Variants in ZNF654 observed in about 807,000 individuals in gnomAD.
The protein encoded by ZNF654 is melanoma-associated antigen.
A neutral mutation model predicts 95.3 loss-of-function variants in ZNF654; 19 were observed. The ratio of observed to expected loss-of-function variants is 0.20; its 90% confidence interval spans 0.14 to 0.29. The LOEUF (loss-of-function observed/expected upper bound fraction) is 0.29. ZNF654 is among the 10% of genes least tolerant of loss of function. ZNF654 has a pLI of 1.00. For missense variants in ZNF654, 1,046 were observed against 1,341.0 expected (o/e 0.78, Z 3.44); for synonymous variants, 413 against 457.9 (o/e 0.90, Z 1.25).
intron 1 of ZNF654, among the ~76,000 whole-genome samples, chr3:88,081,386 A>C (rs1708067065): frequency 6.6e-6 from 1 of 152,114 alleles, no homozygotes; most frequent in Admixed American, 6.6e-5. Context: ...TTGAGACTGC[A>C]AATCCTGCTT....
chr3:88,081,637 C>A (rs1708082833), intron 1 of ZNF654, among the ~76,000 whole-genome samples: 1 of 152,072 alleles, frequency 6.6e-6, no homozygotes, highest in Non-Finnish European at 1.5e-5. Flanking sequence ...CAAGTTGTGC[C>A]AGCTTTAGCC....
At chr3:88,100,313 T>C (rs1704334267) in intron 2 of ZNF654, among the ~76,000 whole-genome samples, 1 of 151,980 alleles carries the variant, frequency 6.6e-6, no homozygotes, top group Non-Finnish European at 1.5e-5. Flanking sequence ...CATTAAAAAG[T>C]CAGGAAACAA....
At chr3:88,063,419 G>C (rs1002458158) in intron 1 of ZNF654, among the ~76,000 whole-genome samples, 4 of 152,162 alleles carry the variant, frequency 2.6e-5, no homozygotes, top group African/African-American at 9.7e-5. Flanking sequence ...TCACAGAAAA[G>C]AGAGTTTGTC....
intron 1 of ZNF654, among the ~76,000 whole-genome samples, chr3:88,081,502 T>G (rs945699124): frequency 5.9e-5 from 9 of 152,340 alleles, no homozygotes; most frequent in Admixed American, 3.9e-4. Context: ...TCTTTTTCCT[T>G]CTTTCACTGT....
intron 5 of ZNF654, 101 bp from the exon 6 acceptor site, chr3:88,129,586 T>C (rs1345719164): frequency 2.3e-5 from 22 of 968,506 alleles, no homozygotes; most frequent in Non-Finnish European, 3.2e-5. Context: ...AGAAGAAAAC[T>C]AGAAATCTAA....
chr3:88,120,825 C>T (rs1250543347), intron 3 of ZNF654, among the ~76,000 whole-genome samples: 2 of 151,818 alleles, frequency 1.3e-5, no homozygotes, highest in African/African-American at 2.4e-5. Context: ...GTGATTATAG[C>T]GTATTTTTGA....
At position 88,139,792 on chromosome 3, in the gene ZNF654, GTGATTATGAAGAAGA is replaced by G. The variant is rs1369279320; in HGVS notation, c.2133_2147del (p.Glu711_Tyr715del). On this transcript the variant is annotated inframe_deletion, in exon 8 of 9. Transcript: ENST00000636215. Reference sequence around the variant, plus strand: ...TATGAGGAGGAAGAGGATGAAGAAGGTGATTATGAAGAAGATGATTATGACCTGAATCAAGAAACT... The same window carrying G: ...TATGAGGAGGAAGAGGATGAAGAAGGTGATTATGACCTGAATCAAGAAACT... The G allele has an allele frequency of 5.1e-6, 8 of 1,555,692 alleles. No individual in the cohort carries two copies. The highest frequency in any genetic ancestry group is 2.4e-5 in the East Asian group (1 of 41,260).
At chr3:88,100,798 C>T (rs915201632) in intron 2 of ZNF654, among the ~76,000 whole-genome samples, 3 of 150,594 alleles carry the variant, frequency 2.0e-5, no homozygotes, top group Non-Finnish European at 3.0e-5. Flanking sequence ...CATCACACAG[C>T]GGGGCCTGTC....
chr3:88,122,412 C>T (rs1184842395), intron 3 of ZNF654, among the ~76,000 whole-genome samples: 2 of 152,104 alleles, frequency 1.3e-5, no homozygotes, highest in African/African-American at 2.4e-5. Context: ...TGTAGAATGG[C>T]CAGAACACTG....
chr3:88,137,917 A>G (rs1706895642), intron 7 of ZNF654, among the ~76,000 whole-genome samples: 1 of 152,014 alleles, frequency 6.6e-6, no homozygotes, highest in African/African-American at 2.4e-5. Context: ...ATATGATGTT[A>G]AAGACATTAT....
At position 88,142,797 on chromosome 3, in the gene ZNF654, CA is replaced by C. The variant is rs1398352185; in HGVS notation, c.*1146del. On this transcript the variant is annotated 3_prime_UTR_variant, in exon 9 of 9. Coordinates refer to ENST00000636215, the MANE Select transcript of ZNF654 (RefSeq NM_001350134.2). Reference sequence around the variant, plus strand: ...TGTAAAAGGAAGTATTTACACAAAACATTTGCACAAGAACACAGTAAGAGAT... The same window carrying C: ...TGTAAAAGGAAGTATTTACACAAAACTTTGCACAAGAACACAGTAAGAGAT... 6.6e-6 allele frequency: 1 copy of C among 152,148 alleles called. No homozygotes were observed. Among genetic ancestry groups the C allele is most frequent in the East Asian group, 1.9e-4 (1 of 5,172 alleles). The allele number at this position is 152,148 out of a possible 1,614,324, so 9.4% of individuals were successfully genotyped here.
intron 2 of ZNF654, among the ~76,000 whole-genome samples, chr3:88,096,239 G>A (rs1576264805): frequency 6.6e-6 from 1 of 152,010 alleles, no homozygotes; most frequent in Non-Finnish European, 1.5e-5. Context: ...AGGAGATGGT[G>A]AACCTGAACA....
At chr3:88,069,330 G>A (rs946082432) in intron 1 of ZNF654, among the ~76,000 whole-genome samples, 1 of 152,162 alleles carries the variant, frequency 6.6e-6, no homozygotes, top group Admixed American at 6.5e-5. Flanking sequence ...GCTGAGGCAG[G>A]AGAATCACTT....
rs1705622509 is a variant in ZNF654, at chr3:88,119,390, TGGGGGGAG to T, written c.414+6200_414+6207del. Among the ~76,000 whole-genome samples the T allele has an allele frequency of 4.8e-5, 2 of 41,962 alleles. 1 individual carries two copies. Among genetic ancestry groups the T allele is most frequent in the South Asian group, 2.8e-3 (2 of 706 alleles). The allele number at this position is 41,962 out of a possible 152,430, so 27.5% of individuals were successfully genotyped here. A position where few individuals can be genotyped will look rare whatever the true frequency, so the allele number is the denominator to read the frequency against. ...TCACACTCTGGGGACTGTTGTGGGG[TGGGGGGAG>T]GGGGGAGGGGGGAGGGATAGCATTG... On this transcript the variant is annotated intron_variant, in intron 3 of 8. Coordinates refer to ENST00000636215, the MANE Select transcript of ZNF654 (RefSeq NM_001350134.2).
At chr3:88,109,937 T>A (rs1399940852) in intron 2 of ZNF654, among the ~76,000 whole-genome samples, 6 of 152,134 alleles carry the variant, frequency 3.9e-5, no homozygotes, top group Admixed American at 1.3e-4. Flanking sequence ...ATCAGATTTT[T>A]AAAAAAATCT....
chr3:88,117,168 T>A (rs1259828360), intron 3 of ZNF654, among the ~76,000 whole-genome samples: 1 of 152,260 alleles, frequency 6.6e-6, no homozygotes, highest in African/African-American at 2.4e-5. Flanking sequence ...GCAGATTAAC[T>A]CCAGTAAAAA....
At chr3:88,063,352 G>T (rs7426988) in intron 1 of ZNF654, among the ~76,000 whole-genome samples, 1 of 152,102 alleles carries the variant, frequency 6.6e-6, no homozygotes, top group African/African-American at 2.4e-5. Flanking sequence ...TCCTCAAATA[G>T]TTTTTAAGTA....
chr3:88,114,674 T>A (rs1705284139), intron 3 of ZNF654, among the ~76,000 whole-genome samples: 1 of 152,164 alleles, frequency 6.6e-6, no homozygotes, highest in Non-Finnish European at 1.5e-5. Context: ...AACTCCTATC[T>A]TCTAGGATAG....
At chr3:88,135,003 A>G in intron 6 of ZNF654, 58 bp from the exon 7 acceptor site, 1 of 1,181,444 alleles carries the variant, frequency 8.5e-7, no homozygotes, top group Non-Finnish European at 1.1e-6. Flanking sequence ...AAAGATAGCT[A>G]ATGTCTGTAT....
Sources: gnomAD v4.1 joint callset for allele counts (sites outside exome capture counted in the v4.1 genomes callset) on GRCh38, gnomAD v4.1.1 for gene constraint, MANE v1.5 for transcripts, NCBI Gene and HGNC (gene_info 2026-07-23, HGNC 2026-07-21) for gene names.